Variants in EYA3 observed in about 807,000 individuals in gnomAD.
The protein encoded by EYA3 is protein phosphatase EYA3.
In EYA3, 39 loss-of-function variants were observed where a neutral mutation model predicts 80.0. The observed-to-expected ratio is 0.49, with a 90% confidence interval of 0.38 to 0.64. The LOEUF (loss-of-function observed/expected upper bound fraction) is 0.64, where lower values mean the gene tolerates loss of function less well. EYA3 is among the 30% of genes least tolerant of loss of function. EYA3 has a pLI of 0.00. For missense variants in EYA3, 523 were observed against 676.1 expected, an observed-to-expected ratio of 0.77 and a Z score of 2.51; for synonymous variants, 206 against 232.8, an observed-to-expected ratio of 0.88 and a Z score of 1.05.
At chr1:27,977,806 C>A (rs946971021) in intron 17 of EYA3, among the ~76,000 whole-genome samples, 14 of 150,052 alleles carry the variant, frequency 9.3e-5, no homozygotes, top group African/African-American at 3.4e-4. Context: ...CAAGACTGTG[C>A]CACTGCATTC....
At chr1:28,080,710 T>C (rs1417810421) in intron 1 of EYA3, among the ~76,000 whole-genome samples, 2 of 151,714 alleles carry the variant, frequency 1.3e-5, no homozygotes, top group African/African-American at 4.8e-5. Flanking sequence ...AACCACTTCA[T>C]ACTACAGAGG....
intron 3 of EYA3, among the ~76,000 whole-genome samples, chr1:28,047,330 G>T (rs750279537): frequency 6.6e-6 from 1 of 152,024 alleles, no homozygotes; most frequent in African/African-American, 2.4e-5. Flanking sequence ...ACAAGGTTCC[G>T]CCATGTTGGT....
At chr1:28,061,577 C>A (rs963143100) in intron 1 of EYA3, among the ~76,000 whole-genome samples, 8 of 149,980 alleles carry the variant, frequency 5.3e-5, no homozygotes, top group Admixed American at 4.7e-4. Flanking sequence ...TGTATTAGTT[C>A]TAGAATTTAA....
chr1:28,063,934 T>C (rs1644734957), intron 1 of EYA3, among the ~76,000 whole-genome samples: 1 of 152,110 alleles, frequency 6.6e-6, no homozygotes, highest in Non-Finnish European at 1.5e-5. Flanking sequence ...GGTAGAAACA[T>C]ACATGATTAA....
In EYA3 at chr1:28,011,044, C is replaced by T; in HGVS notation, c.812G>A (p.Ser271Asn). ...CCTGGACTGATCATCAGTATCTTTA[C>T]TTGGTGTAGTCTGGGACAAAGATGG... ...TSPSLSQTTPSKDTDDQSRKN... is the reference protein window; with the variant it reads ...TSPSLSQTTPNKDTDDQSRKN... Residue 271 changes from serine (S) to asparagine (N), a missense_variant, in exon 10 of 18, where the codon AGT becomes AAT. This residue lies in a region of EYA3 where 304 missense variants were observed against 343.3 expected (regional missense o/e 0.89). Transcript: ENST00000373871. The T allele has an allele frequency of 1.2e-6, 2 of 1,614,012 alleles. No homozygotes were observed. Among genetic ancestry groups the T allele is most frequent in the East Asian group, 2.2e-5 (1 of 44,874 alleles).
chr1:28,027,777 A>G lies in EYA3; in HGVS notation c.499+12T>C, dbSNP rs1246791399. On this transcript the variant is annotated intron_variant, in intron 7 of 17. Transcript: ENST00000373871. Reference sequence around the variant, plus strand: ...ATAATTTTAAAACACACACACAACCATGCCTATTTACCTTGAATGGGATAA... The same window carrying G: ...ATAATTTTAAAACACACACACAACCGTGCCTATTTACCTTGAATGGGATAA... 6.2e-7 allele frequency: 1 copy of G among 1,613,706 alleles called. No homozygotes were observed. The highest frequency in any genetic ancestry group is 8.5e-7 in the Non-Finnish European group (1 of 1,179,814).
chr1:28,004,457 A>C (rs1007596462), intron 10 of EYA3, 38 bp from the exon 11 acceptor site: 1 of 1,472,066 alleles, frequency 6.8e-7, no homozygotes, highest in African/African-American at 1.4e-5. Flanking sequence ...TATATTTTCC[A>C]ATTACAATGG....
In EYA3 at chr1:27,974,423, G is replaced by A; in HGVS notation, c.*43C>T. ...TGGTTCCAGTCTCCAGCTCCCTTCA[G>A]GAGTGAAAAGGAGCTCAAGGGGAAG... is the stretch of plus-strand genomic sequence containing the variant. On this transcript the variant is annotated 3_prime_UTR_variant, in exon 18 of 18. Coordinates refer to ENST00000373871, the MANE Select transcript of EYA3 (RefSeq NM_001990.4). 3.3e-6 allele frequency: 5 copies of A among 1,497,796 alleles called. No individual in the cohort carries two copies. The highest frequency in any genetic ancestry group is 4.6e-6 in the Non-Finnish European group (5 of 1,078,532). 92.8% of individuals were successfully genotyped at this position (1,497,796 alleles called of 1,614,324 possible).
chr1:27,986,928 T>C lies in EYA3; in HGVS notation c.1540+1607A>G, dbSNP rs1639699783. 3.3e-5 allele frequency among the ~76,000 whole-genome samples: 5 copies of C among 151,292 alleles called. No homozygotes were observed. The South Asian group carries it at 8.4e-4, about 25-fold the overall frequency. On this transcript the variant is annotated intron_variant, in intron 16 of 17. Transcript: ENST00000373871. The stretch of plus-strand genomic sequence containing the variant: ...CGTGTGAGCCAGGATAGTCTCGATC[T>C]CCTGACCTTGTGATCCACCCACCTG...
chr1:28,013,413 T>A lies in EYA3; in HGVS notation c.586-119A>T. On this transcript the variant is annotated intron_variant, in intron 8 of 17. Transcript: ENST00000373871. This position sits in a 1 kb window ranked among gnomAD's most constrained non-coding sequence, Gnocchi z 4.0. ...TATTTTTCTAAAACATTAATTTGAC[T>A]TCTCATTTACCTACCTAAAAGTCTC... is the stretch of plus-strand genomic sequence containing the variant. 1.1e-6 allele frequency: 1 copy of A among 921,126 alleles called. No homozygotes were observed. The highest frequency in any genetic ancestry group is 1.6e-6 in the Non-Finnish European group (1 of 640,626). The allele number at this position is 921,126 out of a possible 1,614,324, so 57.1% of individuals were successfully genotyped here.
intron 2 of EYA3, among the ~76,000 whole-genome samples, chr1:28,057,560 T>C (rs939921648): frequency 6.6e-6 from 1 of 152,152 alleles, no homozygotes; most frequent in African/African-American, 2.4e-5. Flanking sequence ...GAATTCAATA[T>C]AGTCTCTAGG....
At chr1:28,015,485 C>A (rs551844481) in intron 8 of EYA3, among the ~76,000 whole-genome samples, 8 of 152,142 alleles carry the variant, frequency 5.3e-5, no homozygotes, top group South Asian at 2.1e-4. Flanking sequence ...GCAGAGATTG[C>A]GCCACTGCAC....
At chr1:28,021,215 T>C (rs1642413364) in intron 7 of EYA3, among the ~76,000 whole-genome samples, 1 of 152,234 alleles carries the variant, frequency 6.6e-6, no homozygotes, top group Non-Finnish European at 1.5e-5. Flanking sequence ...ACAAGCTCTT[T>C]ATCATTTGAG....
At chr1:28,067,879 T>C (rs1357794735) in intron 1 of EYA3, among the ~76,000 whole-genome samples, 1 of 152,168 alleles carries the variant, frequency 6.6e-6, no homozygotes, top group African/African-American at 2.4e-5. Context: ...GGATAGAGTA[T>C]CACAGATCAT....
intron 16 of EYA3, among the ~76,000 whole-genome samples, chr1:27,985,837 C>T (rs539045406): frequency 3.5e-4 from 53 of 152,218 alleles, no homozygotes; most frequent in African/African-American, 1.2e-3. Flanking sequence ...CCGTCTTGGC[C>T]TCCCAAAGTG....
intron 1 of EYA3, among the ~76,000 whole-genome samples, chr1:28,080,812 G>A (rs1325125318): frequency 1.3e-5 from 2 of 152,240 alleles, no homozygotes; most frequent in African/African-American, 2.4e-5. Context: ...GTGCAATAGC[G>A]TGGTCTCGGC....
intron 1 of EYA3, among the ~76,000 whole-genome samples, chr1:28,081,940 T>C (rs1211757553): frequency 6.6e-6 from 1 of 152,136 alleles, no homozygotes; most frequent in African/African-American, 2.4e-5. Flanking sequence ...AGCCATTAAA[T>C]TAAATTAAAT....
chr1:27,980,823 G>C (rs573038039), intron 16 of EYA3, among the ~76,000 whole-genome samples: 1 of 152,310 alleles, frequency 6.6e-6, no homozygotes, highest in Admixed American at 6.5e-5. Flanking sequence ...AGGATTACTT[G>C]AGCACAAGAG....
chr1:28,042,146 A>T (rs991735932), intron 4 of EYA3, among the ~76,000 whole-genome samples: 1 of 152,208 alleles, frequency 6.6e-6, no homozygotes, highest in African/African-American at 2.4e-5. Flanking sequence ...TATGTAGGCT[A>T]AAGGTCTGAG....
Sources: allele counts gnomAD v4.1 joint callset (sites outside exome capture counted in the v4.1 genomes callset), GRCh38; gene constraint gnomAD v4.1.1; regional missense constraint gnomAD v4.1.1; non-coding constraint Gnocchi (gnomAD v3.1); transcripts MANE v1.5; gene names NCBI Gene and HGNC (gene_info 2026-07-23, HGNC 2026-07-21).